The following DNM2 variants were observed in gnomAD, a reference collection of about 807,000 sequenced individuals.
DNM2 encodes the protein dynamin 2.
A neutral mutation model predicts 99.0 loss-of-function variants in DNM2; 15 were observed. The ratio of observed to expected loss-of-function variants is 0.15; its 90% CI spans 0.10 to 0.23. The LOEUF is 0.23. Ranked by LOEUF, DNM2 falls within the 10% of genes least tolerant of loss-of-function variation. The probability of loss-of-function intolerance (pLI) is 1.00; values close to 1 mark genes in which losing one functional copy is unlikely to be tolerated. For missense variants in DNM2, 742 were observed against 1,189.4 expected (o/e 0.62, Z 5.53); for synonymous variants, 525 against 481.2 (o/e 1.09, Z -1.19).
chr19:10,785,422 G>A (rs918471066), intron 6 of DNM2, among the ~76,000 whole-genome samples: 1 of 151,612 alleles, frequency 6.6e-6, no homozygotes, highest in African/African-American at 2.4e-5. Context: ...CACTGCCCCC[G>A]GCCCATGCCC....
Position 10,749,358 on chromosome 19 carries a change from C to T in DNM2, c.162-10380C>T, listed in dbSNP as rs577939895. Among the ~76,000 whole-genome samples, 10 of 152,346 alleles carry T rather than the reference C, an allele frequency of 6.6e-5. No individual in the cohort carries two copies. The East Asian group carries it at 1.9e-3, about 29-fold the overall frequency. ...CTGCTGGACTCAACCTGGCACCTCTCCCATCGCTGCTGGGTGCTGCCTCCC... is the reference window on the plus strand; with the variant it reads ...CTGCTGGACTCAACCTGGCACCTCTTCCATCGCTGCTGGGTGCTGCCTCCC... On this transcript the variant is annotated intron_variant, in intron 1 of 20. Transcript: ENST00000389253.
At chr19:10,729,229 A>G (rs2069224499) in intron 1 of DNM2, among the ~76,000 whole-genome samples, 1 of 150,626 alleles carries the variant, frequency 6.6e-6, no homozygotes, top group African/African-American at 2.4e-5. Context: ...GGCACCTGTA[A>G]TCCCAGCTAC....
In DNM2 at chr19:10,764,887, G is replaced by A. The variant is rs963746677; in HGVS notation, c.235+5076G>A. Among the ~76,000 whole-genome samples the A allele has an allele frequency of 1.3e-5, 2 of 151,910 alleles. No homozygotes were observed. The highest frequency in any genetic ancestry group is 2.4e-5 in the African/African-American group (1 of 41,330). On this transcript the variant is annotated intron_variant, in intron 2 of 20. Transcript: ENST00000389253. This position sits in a 1 kb window ranked among gnomAD's most constrained non-coding sequence, Gnocchi z 4.1. ...ACCTGCCACTGTCTGCTGCTCACCCGCACCTGGTCACTTGCCGCCTTCGTT... is the reference window on the plus strand; with the variant it reads ...ACCTGCCACTGTCTGCTGCTCACCCACACCTGGTCACTTGCCGCCTTCGTT...
chr19:10,797,563 C>G (rs575331446), intron 10 of DNM2, 45 bp downstream of exon 10: 9 of 1,613,346 alleles, frequency 5.6e-6, no homozygotes, highest in East Asian at 4.5e-5. Flanking sequence ...CCGTCCTCCC[C>G]CTCCATGTGT....
rs2071891694 is a variant in DNM2, at chr19:10,795,251, G to A, written c.1129-121G>A. Reference sequence around the variant, plus strand: ...TCAATTTTTTAAATAAAATTTTGACGAGTTAAATATTCTGCCTTGTGAATA... The same window carrying A: ...TCAATTTTTTAAATAAAATTTTGACAAGTTAAATATTCTGCCTTGTGAATA... On this transcript the variant is annotated intron_variant, in intron 8 of 20. Transcript: ENST00000389253. The surrounding 1 kb of genome is among the most constrained non-coding windows in gnomAD (Gnocchi z 4.2). 1.8e-5 allele frequency: 17 copies of A among 920,276 alleles called. No individual in the cohort carries two copies. The highest frequency in any genetic ancestry group is 1.8e-4 in the Admixed American group (10 of 54,952). The allele number at this position is 920,276 out of a possible 1,614,324, so 57.0% of individuals were successfully genotyped here. A position where few individuals can be genotyped will look rare whatever the true frequency, so the allele number is the denominator to read the frequency against.
chr19:10,825,853 C>CAAA (rs35659147), intron 18 of DNM2, among the ~76,000 whole-genome samples: 9 of 67,036 alleles, frequency 1.3e-4, no homozygotes, highest in African/African-American at 4.3e-4. Flanking sequence ...GACTCCATCT[C>CAAA]AAAAAAAAAA....
At chr19:10,823,948 G>C (rs1188438228) in intron 17 of DNM2, 49 bp downstream of exon 17, 7 of 1,589,896 alleles carry the variant, frequency 4.4e-6, no homozygotes, top group Non-Finnish European at 6.0e-6. Context: ...ACCTGGGAGA[G>C]GAAGCAGGGC....
chr19:10,757,045 G>A (rs1484975703), intron 1 of DNM2, among the ~76,000 whole-genome samples: 1 of 152,126 alleles, frequency 6.6e-6, no homozygotes, highest in African/African-American at 2.4e-5. Flanking sequence ...CCAGCTGGTG[G>A]CATTGCTCTA....
chr19:10,795,304 C>T lies in DNM2; in HGVS notation c.1129-68C>T. On this transcript the variant is annotated intron_variant, in intron 8 of 20. Coordinates refer to ENST00000389253, the MANE Select transcript of DNM2 (RefSeq NM_001005361.3). The surrounding 1 kb of genome is among the most constrained non-coding windows in gnomAD (Gnocchi z 4.2). ...GCCACACGTGGGAGAGAACGTTCCCCAGATGCACGCCTGCCACGGGGGCGC... is the reference window on the plus strand; with the variant it reads ...GCCACACGTGGGAGAGAACGTTCCCTAGATGCACGCCTGCCACGGGGGCGC... The T allele has an allele frequency of 1.4e-6, 2 of 1,470,538 alleles. No homozygotes were observed. Among genetic ancestry groups the T allele is most frequent in the South Asian group, 2.3e-5 (2 of 88,126 alleles). The allele number at this position is 1,470,538 out of a possible 1,614,324, so 91.1% of individuals were successfully genotyped here. A position where few individuals can be genotyped will look rare whatever the true frequency, so the allele number is the denominator to read the frequency against.
chr19:10,741,389 C>T (rs921683886), intron 1 of DNM2, among the ~76,000 whole-genome samples: 5 of 151,206 alleles, frequency 3.3e-5, no homozygotes, highest in East Asian at 2.0e-4. Flanking sequence ...GTGCCACACC[C>T]GACTAATTTT....
chr19:10,829,516 T>C (rs1194212079), intron 19 of DNM2, among the ~76,000 whole-genome samples: 1 of 152,074 alleles, frequency 6.6e-6, no homozygotes, highest in Non-Finnish European at 1.5e-5. Context: ...TGCTGGTGCC[T>C]TCCATTGGCA....
In DNM2 at chr19:10,811,739, A is replaced by G. The variant is rs1346562930; in HGVS notation, c.1558-525A>G. 3.9e-6 allele frequency: 2 copies of G among 518,490 alleles called. No homozygotes were observed. The highest frequency in any genetic ancestry group is 7.7e-6 in the Non-Finnish European group (2 of 259,778). 32.1% of individuals were successfully genotyped at this position (518,490 alleles called of 1,614,324 possible). On this transcript the variant is annotated intron_variant, in intron 14 of 20. Transcript: ENST00000389253. The surrounding 1 kb of genome is among the most constrained non-coding windows in gnomAD (Gnocchi z 5.4). The stretch of plus-strand genomic sequence containing the variant: ...AGCTACAGCCACACAATCCCCATCC[A>G]TGGGGTCTCCCAGCCTGAAACCCTG...
rs2068977449 is a variant in DNM2, at chr19:10,722,658, T to C, written c.161+4255T>C. 2.6e-5 allele frequency among the ~76,000 whole-genome samples: 4 copies of C among 152,020 alleles called. No individual in the cohort carries two copies. The South Asian group carries it at 8.3e-4, about 32-fold the overall frequency. ...GCGCCTGGCCTGAGATAGGGTCTTA[T>C]ACTGTCACCCAGGCTAGAGTGCAGT... is the stretch of plus-strand genomic sequence containing the variant. On this transcript the variant is annotated intron_variant, in intron 1 of 20. Transcript: ENST00000389253.
rs141100592 is a variant in DNM2, at chr19:10,808,496, C to T, written c.1546-73C>T. The T allele has an allele frequency of 5.0e-4, 784 of 1,555,062 alleles. 8 individuals carry two copies. The African/African-American group carries it at 9.0e-3, about 18-fold the overall frequency. Reference sequence around the variant, plus strand: ...TCCTGCTTTTTCTTTGTCCCCTTCACGTCCCTTCCATCTCTTTTCCTTTGC... The same window carrying T: ...TCCTGCTTTTTCTTTGTCCCCTTCATGTCCCTTCCATCTCTTTTCCTTTGC... On this transcript the variant is annotated intron_variant, in intron 13 of 20. Coordinates refer to ENST00000389253, the MANE Select transcript of DNM2 (RefSeq NM_001005361.3).
rs1280418017 is a variant in DNM2 at position 10,765,408 on chromosome 19, C to G, written c.235+5597C>G. ...AGGGCTGGTGCTGTGCCCCTTCTTG[C>G]CTACTGGGCGGGAAGTGATGGGGGT... On this transcript the variant is annotated intron_variant, in intron 2 of 20. Transcript: ENST00000389253. The surrounding 1 kb of genome is among the most constrained non-coding windows in gnomAD (Gnocchi z 4.4). Among the ~76,000 whole-genome samples, 1 of 152,176 alleles carries G rather than the reference C, an allele frequency of 6.6e-6. No individual in the cohort carries two copies. Among genetic ancestry groups the G allele is most frequent in the African/African-American group, 2.4e-5 (1 of 41,440 alleles).
intron 8 of DNM2, among the ~76,000 whole-genome samples, chr19:10,794,235 T>C (rs938336049): frequency 6.6e-6 from 1 of 152,116 alleles, no homozygotes; most frequent in African/African-American, 2.4e-5. Context: ...TACAACATCC[T>C]TATGTATGAA....
chr19:10,821,561 C>T (rs149656379), intron 16 of DNM2, among the ~76,000 whole-genome samples: 10 of 151,922 alleles, frequency 6.6e-5, no homozygotes, highest in East Asian at 2.0e-4. Context: ...AACGGAGTTC[C>T]GCTGTTGTTG....
chr19:10,829,875 T>A (rs1035456844), intron 19 of DNM2, among the ~76,000 whole-genome samples: 3 of 152,150 alleles, frequency 2.0e-5, no homozygotes, highest in African/African-American at 2.4e-5. Flanking sequence ...TCTGGAGGAC[T>A]CTGGAAGTGT....
chr19:10,759,567 A>G, intron 1 of DNM2, 171 bp from the exon 2 acceptor site: 1 of 758,962 alleles, frequency 1.3e-6, no homozygotes, highest in Non-Finnish European at 2.3e-6. Flanking sequence ...TGAGCTCTTC[A>G]GGCCTCAGGA....
Sources: gnomAD v4.1 joint callset for allele counts (sites outside exome capture counted in the v4.1 genomes callset) on GRCh38, gnomAD v4.1.1 for gene constraint, Gnocchi (gnomAD v3.1) non-coding constraint, MANE v1.5 for transcripts, NCBI Gene and HGNC (gene_info 2026-07-23, HGNC 2026-07-21) for gene names.